Variants in WDPCP observed in about 807,000 individuals in gnomAD.
WDPCP encodes WD repeat containing planar cell polarity effector.
WDPCP carries 71 observed loss-of-function variants against 93.1 expected under a neutral mutation model. The ratio of observed to expected loss-of-function variants is 0.76; its 90% CI spans 0.63 to 0.93. The LOEUF (loss-of-function observed/expected upper bound fraction) is 0.93. WDPCP is among the 40% of genes least tolerant of loss of function. The pLI is 0.00. For missense variants in WDPCP, 844 were observed against 887.4 expected, an observed-to-expected ratio of 0.95 and a Z score of 0.62; for synonymous variants, 315 against 315.0, an observed-to-expected ratio of 1.00 and a Z score of 0.00.
At chr2:63,247,856 T>C (rs1282976277) in intron 14 of WDPCP, among the ~76,000 whole-genome samples, 5 of 152,068 alleles carry the variant, frequency 3.3e-5, no homozygotes, top group Non-Finnish European at 7.4e-5. Context: ...ATTTCCTCCA[T>C]TGCTGCCTTC....
chr2:63,310,307 A>G (rs2103905937), intron 13 of WDPCP, among the ~76,000 whole-genome samples: 1 of 152,310 alleles, frequency 6.6e-6, no homozygotes, highest in East Asian at 1.9e-4. Context: ...AACAGGCCTT[A>G]AATATAAGAA....
chr2:63,259,692 A>G (rs1681455595), intron 13 of WDPCP, among the ~76,000 whole-genome samples: 1 of 152,178 alleles, frequency 6.6e-6, no homozygotes. Context: ...CAGGGAATAA[A>G]AATGTTAATT....
chr2:63,494,691 C>T (rs868843382), intron 1 of WDPCP, among the ~76,000 whole-genome samples: 13 of 151,684 alleles, frequency 8.6e-5, no homozygotes, highest in African/African-American at 2.9e-4. Flanking sequence ...GAGGCCGAGG[C>T]GGGGGGATCA....
chr2:63,467,294 G>T (rs1244250430), intron 6 of WDPCP, among the ~76,000 whole-genome samples: 1 of 151,376 alleles, frequency 6.6e-6, no homozygotes, highest in Non-Finnish European at 1.5e-5. Flanking sequence ...AGCCTGGCCA[G>T]CATGGTGAAA....
intron 1 of WDPCP, among the ~76,000 whole-genome samples, chr2:63,554,361 C>T (rs895531941): frequency 1.3e-5 from 2 of 152,158 alleles, no homozygotes; most frequent in African/African-American, 2.4e-5. Flanking sequence ...TTGGGGTTGG[C>T]AACTTATGTC....
chr2:63,567,964 G>C, intron 1 of WDPCP, among the ~76,000 whole-genome samples: 1 of 152,188 alleles, frequency 6.6e-6, no homozygotes, highest in Admixed American at 6.5e-5. Context: ...GGGTTGAGGA[G>C]TACTGAATTT....
intron 12 of WDPCP, among the ~76,000 whole-genome samples, chr2:63,345,523 T>C (rs1490728531): frequency 6.6e-6 from 1 of 152,178 alleles, no homozygotes; most frequent in Admixed American, 6.5e-5. Flanking sequence ...TATTTACAGG[T>C]AATGACTAAA....
intron 2 of WDPCP, among the ~76,000 whole-genome samples, chr2:63,694,398 C>T (rs1397386710): frequency 6.6e-6 from 1 of 152,066 alleles, no homozygotes. Context: ...TCCCTCTTTT[C>T]CCCTTCTTTC....
intron 2 of WDPCP, among the ~76,000 whole-genome samples, chr2:63,662,104 G>A (rs1710233578): frequency 6.6e-6 from 1 of 152,090 alleles, no homozygotes; most frequent in South Asian, 2.1e-4. Flanking sequence ...GGGAAAATGA[G>A]GCACAAAGAG....
intron 9 of WDPCP, among the ~76,000 whole-genome samples, chr2:63,412,441 T>C (rs560558366): frequency 2.6e-5 from 4 of 152,252 alleles, no homozygotes; most frequent in South Asian, 4.1e-4. Flanking sequence ...TGGGGAAAAG[T>C]TGAAAGTATT....
intron 13 of WDPCP, among the ~76,000 whole-genome samples, chr2:63,267,003 C>A (rs1047970953): frequency 1.3e-5 from 2 of 151,818 alleles, no homozygotes; most frequent in Non-Finnish European, 2.9e-5. Context: ...CAATATGGAA[C>A]CAGATAATAC....
chr2:63,168,653 T>A (rs1673171712), intron 15 of WDPCP: 1 of 152,184 alleles, frequency 6.6e-6, no homozygotes, highest in South Asian at 2.1e-4. Context: ...CCAGGAGTTG[T>A]GGGCTGCAAA....
intron 13 of WDPCP, among the ~76,000 whole-genome samples, chr2:63,286,662 G>A (rs1405459704): frequency 2.6e-5 from 4 of 152,142 alleles, no homozygotes; most frequent in African/African-American, 4.8e-5. Context: ...ACAGACACAC[G>A]TGACATGGAT....
At chr2:63,805,646 T>G (rs1412700161) in intron 2 of WDPCP, among the ~76,000 whole-genome samples, 10 of 151,896 alleles carry the variant, frequency 6.6e-5, no homozygotes, top group Non-Finnish European at 1.0e-4. Context: ...AACAGAAGAG[T>G]AGGGATAAGC....
chr2:63,614,617 G>C (rs1316832987), intron 3 of WDPCP, among the ~76,000 whole-genome samples: 3 of 152,078 alleles, frequency 2.0e-5, no homozygotes, highest in Non-Finnish European at 4.4e-5. Context: ...CCCAAAGCAG[G>C]CCTATAAACT....
intron 15 of WDPCP, among the ~76,000 whole-genome samples, chr2:63,154,088 A>C (rs1341245989): frequency 6.6e-6 from 1 of 152,070 alleles, no homozygotes; most frequent in Non-Finnish European, 1.5e-5. Flanking sequence ...TTAAAAAAAT[A>C]AAACTGAGAT....
intron 6 of WDPCP, among the ~76,000 whole-genome samples, chr2:63,476,111 A>G (rs1044459068): frequency 2.6e-5 from 4 of 152,122 alleles, no homozygotes; most frequent in African/African-American, 4.8e-5. Flanking sequence ...TTATCATTTG[A>G]AATGATTTCA....
chr2:63,722,877 A>T (rs915797379), intron 2 of WDPCP, among the ~76,000 whole-genome samples: 1 of 151,936 alleles, frequency 6.6e-6, no homozygotes, highest in African/African-American at 2.4e-5. Context: ...GAGAAATCGG[A>T]TGGTTGCCGT....
At chr2:63,375,542 A>T (rs1035581095) in intron 12 of WDPCP, among the ~76,000 whole-genome samples, 50 of 152,052 alleles carry the variant, frequency 3.3e-4, no homozygotes, top group African/African-American at 1.2e-3. Context: ...CTTTGAATGC[A>T]TACAAAAAGA....
Sources: gnomAD v4.1 joint callset for allele counts (sites outside exome capture counted in the v4.1 genomes callset) on GRCh38, gnomAD v4.1.1 for gene constraint, MANE v1.5 for transcripts, NCBI Gene and HGNC (gene_info 2026-07-23, HGNC 2026-07-21) for gene names.